B3GLCT: variants seen among roughly 807,000 people sequenced by gnomAD.
B3GLCT encodes beta-1,3-glucosyltransferase.
In B3GLCT, 65 loss-of-function variants were observed where a neutral mutation model predicts 63.4. The observed-to-expected ratio is 1.03, with a 90% confidence interval of 0.84 to 1.26. The LOEUF (loss-of-function observed/expected upper bound fraction) is 1.26. B3GLCT is among the 50% of genes most tolerant of loss of function. B3GLCT has a pLI of 0.00. For synonymous variants in B3GLCT, 233 were observed against 219.2 expected (o/e 1.06, Z -0.55); for missense variants, 577 against 604.8 (o/e 0.95, Z 0.48).
At chr13:31,265,523 C>G (rs1335847551) in intron 7 of B3GLCT, among the ~76,000 whole-genome samples, 1 of 152,176 alleles carries the variant, frequency 6.6e-6, no homozygotes, top group Non-Finnish European at 1.5e-5. Flanking sequence ...CTAAAGATAG[C>G]TCATGAGACA....
chr13:31,268,168 A>G (rs1273370778), intron 7 of B3GLCT, among the ~76,000 whole-genome samples: 1 of 152,166 alleles, frequency 6.6e-6, no homozygotes, highest in Admixed American at 6.5e-5. Flanking sequence ...AATCACTATT[A>G]TTTCTTTGTA....
chr13:31,219,378 A>G (rs545696475), intron 2 of B3GLCT, among the ~76,000 whole-genome samples: 1 of 152,312 alleles, frequency 6.6e-6, no homozygotes, highest in East Asian at 1.9e-4. Context: ...GAATCATTGA[A>G]TATTTCTCAC....
At chr13:31,245,298 A>G (rs901544100) in intron 4 of B3GLCT, among the ~76,000 whole-genome samples, 22 of 151,942 alleles carry the variant, frequency 1.4e-4, no homozygotes, top group African/African-American at 5.1e-4. Flanking sequence ...ATAGCTGTTG[A>G]TATTACATTA....
chr13:31,297,732 A>C (rs987900653), intron 12 of B3GLCT, among the ~76,000 whole-genome samples: 1 of 152,202 alleles, frequency 6.6e-6, no homozygotes, highest in African/African-American at 2.4e-5. Context: ...CCAGGCGTCC[A>C]GAACTTCTGA....
chr13:31,279,817 C>A (rs2137868139), intron 10 of B3GLCT, among the ~76,000 whole-genome samples: 1 of 152,270 alleles, frequency 6.6e-6, no homozygotes, highest in Non-Finnish European at 1.5e-5. Context: ...TTATCAACGA[C>A]CATAAAAGAC....
At chr13:31,205,607 C>T (rs2137728818) in intron 1 of B3GLCT, among the ~76,000 whole-genome samples, 1 of 152,204 alleles carries the variant, frequency 6.6e-6, no homozygotes, top group Admixed American at 6.5e-5. Flanking sequence ...CAGGCTGGAC[C>T]TGAACTCCTG....
At chr13:31,214,901 A>G in intron 1 of B3GLCT, 150 bp from the exon 2 acceptor site, 2 of 699,192 alleles carry the variant, frequency 2.9e-6, no homozygotes, top group Non-Finnish European at 2.4e-6. Flanking sequence ...AGCCAGTAAT[A>G]CAAGTTTGCA....
At chr13:31,208,460 C>G (rs913929696) in intron 1 of B3GLCT, among the ~76,000 whole-genome samples, 4 of 152,144 alleles carry the variant, frequency 2.6e-5, no homozygotes, top group African/African-American at 9.7e-5. Context: ...GCTCTCCTGC[C>G]TGTCTGCACT....
chr13:31,211,583 G>A (rs1566041220), intron 1 of B3GLCT, among the ~76,000 whole-genome samples: 1 of 149,730 alleles, frequency 6.7e-6, no homozygotes, highest in East Asian at 1.9e-4. Context: ...GACTTTTTTG[G>A]TTTGGGTTTT....
chr13:31,315,165 T>C (rs894215340), intron 12 of B3GLCT, among the ~76,000 whole-genome samples: 1 of 152,176 alleles, frequency 6.6e-6, no homozygotes, highest in African/African-American at 2.4e-5. Context: ...GAGTGGGGTG[T>C]TGCTGAAAAG....
chr13:31,241,297 C>T (rs1019194091), intron 4 of B3GLCT, among the ~76,000 whole-genome samples: 1 of 152,214 alleles, frequency 6.6e-6, no homozygotes, highest in African/African-American at 2.4e-5. Context: ...TCCAGCATGG[C>T]ATGTTGGATG....
chr13:31,229,211 C>G lies in B3GLCT; in HGVS notation c.187C>G (p.Gln63Glu), dbSNP rs771349026. 6.2e-7 allele frequency: 1 copy of G among 1,611,090 alleles called. No homozygotes were observed. Among genetic ancestry groups the G allele is most frequent in the African/African-American group, 1.3e-5 (1 of 74,752 alleles). The stretch of plus-strand genomic sequence containing the variant: ...CTTAAAAGGAATTGTATTCGTCATC[C>G]AGAGTCAAAGTAATTCTTTTCATGC... ...IDLKGIVFVI[Q>E]SQSNSFHAKR... The change falls in exon 4 of 15, where the codon CAG (glutamine) becomes GAG (glutamate). Residue 63 changes from glutamine to glutamate, a missense_variant. By Grantham distance (29) the Gln-to-Glu change is conservative. Transcript: ENST00000343307.
Position 31,329,744 on chromosome 13 carries a change from C to T in B3GLCT, c.*76C>T. On this transcript the variant is annotated 3_prime_UTR_variant, in exon 15 of 15. Transcript: ENST00000343307. ...TGGCCTCATCCCACTGTGCTGTGCT[C>T]ACAACACTTGTGTCTGCCACATGGC... is the stretch of plus-strand genomic sequence containing the variant. The T allele has an allele frequency of 1.3e-6, 2 of 1,519,424 alleles. No individual in the cohort carries two copies. Among genetic ancestry groups the T allele is most frequent in the Non-Finnish European group, 1.8e-6 (2 of 1,100,460 alleles). 94.1% of individuals were successfully genotyped at this position (1,519,424 alleles called of 1,614,324 possible).
At chr13:31,292,699 C>CT (rs56038439) in intron 12 of B3GLCT, among the ~76,000 whole-genome samples, 96,288 of 147,466 alleles carry the variant, frequency 0.65, 33,023 homozygotes, top group Middle Eastern at 0.79. Context: ...ATTCTTCTCT[C>CT]TTTTTTTTTT....
At chr13:31,226,696 A>G (rs1434278489) in intron 3 of B3GLCT, among the ~76,000 whole-genome samples, 2 of 152,146 alleles carry the variant, frequency 1.3e-5, no homozygotes, top group Admixed American at 1.3e-4. Flanking sequence ...CAGCTTCCCA[A>G]GTAGCTGAGA....
At chr13:31,264,066 A>C (rs368669009) in intron 7 of B3GLCT, among the ~76,000 whole-genome samples, 140 of 152,108 alleles carry the variant, frequency 9.2e-4, no homozygotes, top group African/African-American at 2.9e-3. Flanking sequence ...GTGTCCCCTC[A>C]TCTGGGAGAA....
chr13:31,297,759 C>G (rs915459066), intron 12 of B3GLCT, among the ~76,000 whole-genome samples: 1 of 152,148 alleles, frequency 6.6e-6, no homozygotes, highest in African/African-American at 2.4e-5. Context: ...AGCTTCACGT[C>G]GGGGTTCTTA....
chr13:31,228,329 A>G (rs1279538772), intron 3 of B3GLCT, among the ~76,000 whole-genome samples: 1 of 152,232 alleles, frequency 6.6e-6, no homozygotes, highest in Non-Finnish European at 1.5e-5. Flanking sequence ...ATGGGCAGTT[A>G]CTGTTGAGTG....
intron 11 of B3GLCT, among the ~76,000 whole-genome samples, chr13:31,285,568 T>C (rs1873279240): frequency 6.6e-6 from 1 of 150,972 alleles, no homozygotes; most frequent in Non-Finnish European, 1.5e-5. Context: ...CACCCTTTGT[T>C]CTTTAGTTTT....
Sources: allele counts gnomAD v4.1 joint callset (sites outside exome capture counted in the v4.1 genomes callset), GRCh38; gene constraint gnomAD v4.1.1; transcripts MANE v1.5; gene names NCBI Gene and HGNC (gene_info 2026-07-23, HGNC 2026-07-21).